The following DNAJC1 variants were observed in gnomAD, a reference collection of about 807,000 sequenced individuals.
DNAJC1 encodes dnaJ homolog subfamily C member 1.
In DNAJC1, 58 loss-of-function variants were observed where a neutral mutation model predicts 76.6. The ratio of observed to expected loss-of-function variants is 0.76; its 90% CI spans 0.61 to 0.94. The LOEUF is 0.94. DNAJC1 is among the 40% of genes least tolerant of loss of function. The pLI is 0.00. For missense variants in DNAJC1, 689 were observed against 677.3 expected, an observed-to-expected ratio of 1.02 and a Z score of -0.19; for synonymous variants, 258 against 267.9, an observed-to-expected ratio of 0.96 and a Z score of 0.36.
At chr10:21,970,244 G>A (rs1837956864) in intron 1 of DNAJC1, among the ~76,000 whole-genome samples, 1 of 151,840 alleles carries the variant, frequency 6.6e-6, no homozygotes, top group South Asian at 2.1e-4. Flanking sequence ...CTATACATTT[G>A]GTAAATTCTC....
intron 8 of DNAJC1, among the ~76,000 whole-genome samples, chr10:21,847,391 G>A (rs1010819620): frequency 2.6e-5 from 4 of 151,978 alleles, no homozygotes; most frequent in Admixed American, 2.0e-4. Flanking sequence ...ATTAAATCAG[G>A]GTAATTAGGA....
intron 8 of DNAJC1, among the ~76,000 whole-genome samples, chr10:21,844,942 A>T (rs1198482345): frequency 1.3e-5 from 2 of 152,164 alleles, no homozygotes; most frequent in Non-Finnish European, 2.9e-5. Flanking sequence ...GAGCAGGAGG[A>T]CTGCTTGTGC....
chr10:21,875,746 G>A (rs1404240305), intron 8 of DNAJC1, among the ~76,000 whole-genome samples: 3 of 152,074 alleles, frequency 2.0e-5, no homozygotes, highest in African/African-American at 7.2e-5. Flanking sequence ...CCAACATGAC[G>A]AAACCCCATC....
At chr10:21,897,921 A>T (rs1407103783) in intron 7 of DNAJC1, among the ~76,000 whole-genome samples, 1 of 152,244 alleles carries the variant, frequency 6.6e-6, no homozygotes, top group Non-Finnish European at 1.5e-5. Context: ...GTAAAGGAAG[A>T]AGTAAATCTG....
intron 8 of DNAJC1, among the ~76,000 whole-genome samples, chr10:21,819,542 G>A (rs1378373114): frequency 6.6e-6 from 1 of 152,128 alleles, no homozygotes; most frequent in East Asian, 1.9e-4. Context: ...CATGTGAGGT[G>A]GCCTTTAGAA....
intron 8 of DNAJC1, among the ~76,000 whole-genome samples, chr10:21,840,736 G>A (rs1384039437): frequency 6.6e-6 from 1 of 152,078 alleles, no homozygotes; most frequent in Admixed American, 6.5e-5. Context: ...TTTCTTCACA[G>A]AACTGGAAAA....
At chr10:21,894,771 C>A (rs1286642059) in intron 7 of DNAJC1, among the ~76,000 whole-genome samples, 3 of 152,130 alleles carry the variant, frequency 2.0e-5, no homozygotes, top group Non-Finnish European at 2.9e-5. Context: ...GTCATGAGGG[C>A]TCCTCCCTCA....
In DNAJC1 at chr10:21,888,880, T is replaced by C. The variant is rs939265965; in HGVS notation, c.821-6441A>G. Among the ~76,000 whole-genome samples, 5 of 152,264 alleles carry C rather than the reference T, an allele frequency of 3.3e-5. No individual in the cohort carries two copies. In the South Asian group the frequency reaches 8.3e-4, roughly 25 times the overall value. On this transcript the variant is annotated intron_variant, in intron 7 of 11. Transcript: ENST00000376980. ...ATCTGTACAACAAGTCCCTGTGACA[T>C]GAGTTTACCTATGTAAGCTTTTTTA...
intron 8 of DNAJC1, chr10:21,865,419 C>T (rs1442775665): frequency 6.6e-6 from 1 of 152,050 alleles, no homozygotes; most frequent in Non-Finnish European, 1.5e-5. Flanking sequence ...GATACATGAA[C>T]AAACATGAAT....
chr10:21,764,120 GAAAC>G (rs1834270091), intron 10 of DNAJC1, among the ~76,000 whole-genome samples: 1 of 151,856 alleles, frequency 6.6e-6, no homozygotes, highest in South Asian at 2.1e-4. Context: ...AAAAAAAATG[GAAAC>G]AAACAAAATG....
chr10:21,974,579 T>C (rs1838032427), intron 1 of DNAJC1, among the ~76,000 whole-genome samples: 1 of 152,218 alleles, frequency 6.6e-6, no homozygotes, highest in Admixed American at 6.5e-5. Flanking sequence ...ATATATTTCA[T>C]GAAAAAGTAA....
rs564823880 is a variant in DNAJC1, at chr10:21,885,377, C to T, written c.821-2938G>A. ...GACCTAAAAAGAGACACAGACTCAC[C>T]CACATTAATAGTTGAAGACTTCAAC... On this transcript the variant is annotated intron_variant, in intron 7 of 11. Coordinates refer to ENST00000376980, the MANE Select transcript of DNAJC1 (RefSeq NM_022365.4). Among the ~76,000 whole-genome samples, 33 of 152,078 alleles carry T rather than the reference C, an allele frequency of 2.2e-4. No homozygotes were observed. In the South Asian group the frequency reaches 6.6e-3, roughly 31 times the overall value.
At chr10:21,939,669 C>A (rs1837371253) in intron 1 of DNAJC1, among the ~76,000 whole-genome samples, 1 of 152,132 alleles carries the variant, frequency 6.6e-6, no homozygotes, top group East Asian at 1.9e-4. Flanking sequence ...GTAGGCTATA[C>A]CATCTAGGTT....
chr10:22,001,729 TG>T (rs1226042848), intron 1 of DNAJC1, among the ~76,000 whole-genome samples: 1 of 152,252 alleles, frequency 6.6e-6, no homozygotes, highest in Non-Finnish European at 1.5e-5. Flanking sequence ...CATGAATAAC[TG>T]GATCTTCAAG....
At chr10:21,974,920 G>C in intron 1 of DNAJC1, among the ~76,000 whole-genome samples, 1 of 150,736 alleles carries the variant, frequency 6.6e-6, no homozygotes, top group East Asian at 1.9e-4. Context: ...TACAATGCAG[G>C]GTGAAAAAAA....
rs139572964 is a variant in DNAJC1, at chr10:21,860,072, C to T, written c.978+22210G>A. 1.2e-3 allele frequency among the ~76,000 whole-genome samples: 183 copies of T among 151,698 alleles called. 2 individuals carry two copies. In the East Asian group the frequency reaches 0.025, roughly 21 times the overall value. ...TGCTAGGATTACAGGCATGAGCTACCGTGCCCGGCCAGAGTCAACTTCTTA... is the reference window on the plus strand; with the variant it reads ...TGCTAGGATTACAGGCATGAGCTACTGTGCCCGGCCAGAGTCAACTTCTTA... On this transcript the variant is annotated intron_variant, in intron 8 of 11. Transcript: ENST00000376980.
chr10:21,789,776 A>G (rs1054384794), intron 9 of DNAJC1, among the ~76,000 whole-genome samples: 4 of 152,060 alleles, frequency 2.6e-5, no homozygotes, highest in African/African-American at 9.7e-5. Context: ...TTGGGAGACC[A>G]AGGTGGGTGG....
intron 8 of DNAJC1, among the ~76,000 whole-genome samples, chr10:21,879,946 T>C (rs1163938451): frequency 6.6e-6 from 1 of 152,224 alleles, no homozygotes; most frequent in Admixed American, 6.5e-5. Flanking sequence ...TATTTCTCTG[T>C]AGCATGTGAT....
chr10:21,813,143 GTTAC>G lies in DNAJC1; in HGVS notation c.979-7048_979-7045del, dbSNP rs1403280054. ...CAGCTTCTGCCTTGCTCTTTCTTGG[GTTAC>G]TTGTCTCTCTCTCTCTCTCTCTCTC... On this transcript the variant is annotated intron_variant, in intron 8 of 11. Coordinates refer to ENST00000376980, the MANE Select transcript of DNAJC1 (RefSeq NM_022365.4). 1.3e-4 allele frequency among the ~76,000 whole-genome samples: 12 copies of G among 94,218 alleles called. 3 individuals are homozygous for G. The highest frequency in any genetic ancestry group is 6.1e-4 in the East Asian group (2 of 3,266). 61.8% of individuals were successfully genotyped at this position (94,218 alleles called of 152,430 possible).
Sources: allele counts gnomAD v4.1 joint callset (sites outside exome capture counted in the v4.1 genomes callset), GRCh38; gene constraint gnomAD v4.1.1; transcripts MANE v1.5; gene names NCBI Gene and HGNC (gene_info 2026-07-23, HGNC 2026-07-21).